Variants in PCNX1 observed in about 807,000 individuals in gnomAD.
PCNX1 encodes pecanex-like protein 1.
PCNX1 carries 78 observed loss-of-function variants against 242.2 expected under a neutral mutation model. The observed-to-expected ratio is 0.32, with a 90% confidence interval of 0.27 to 0.39. The LOEUF (loss-of-function observed/expected upper bound fraction) is 0.39. Ranked by LOEUF, PCNX1 falls within the 10% of genes least tolerant of loss-of-function variation. PCNX1 has a pLI of 1.00. For synonymous variants in PCNX1, 1,024 were observed against 1,032.9 expected (o/e 0.99, Z 0.17); for missense variants, 2,581 against 2,856.5 (o/e 0.90, Z 2.20).
intron 1 of PCNX1, among the ~76,000 whole-genome samples, chr14:70,916,148 A>T (rs2056144671): frequency 6.6e-6 from 1 of 152,180 alleles, no homozygotes; most frequent in South Asian, 2.1e-4. Flanking sequence ...ACTTTTGGTA[A>T]GTGGAAAAGT....
chr14:71,028,823 T>A, intron 16 of PCNX1, 32 bp downstream of exon 16: 11 of 1,298,904 alleles, frequency 8.5e-6, no homozygotes, highest in Non-Finnish European at 1.2e-5. Context: ...GTTTTGTCTT[T>A]AAGGCTATAT....
chr14:71,014,877 T>G (rs746247973), intron 11 of PCNX1, among the ~76,000 whole-genome samples: 40 of 152,056 alleles, frequency 2.6e-4, no homozygotes, highest in Non-Finnish European at 4.1e-4. Context: ...GGAAGCCCAG[T>G]GAACCTCAAG....
intron 5 of PCNX1, among the ~76,000 whole-genome samples, chr14:70,971,571 G>C (rs1230044689): frequency 6.6e-6 from 1 of 152,178 alleles, no homozygotes; most frequent in Non-Finnish European, 1.5e-5. Context: ...AAGACAAAAA[G>C]TTCCACCCTC....
chr14:71,095,621 G>A (rs888250856), intron 30 of PCNX1, among the ~76,000 whole-genome samples: 1 of 152,078 alleles, frequency 6.6e-6, no homozygotes, highest in African/African-American at 2.4e-5. Context: ...TTTCATCTAT[G>A]TGTGTGATAT....
intron 28 of PCNX1, among the ~76,000 whole-genome samples, chr14:71,080,354 G>C (rs377143313): frequency 1.3e-5 from 2 of 152,078 alleles, no homozygotes; most frequent in Non-Finnish European, 2.9e-5. Flanking sequence ...TTGGCTATGC[G>C]GGCTCTTTTT....
At chr14:71,056,296 A>G (rs2061179716) in intron 25 of PCNX1, among the ~76,000 whole-genome samples, 1 of 152,248 alleles carries the variant, frequency 6.6e-6, no homozygotes, top group Non-Finnish European at 1.5e-5. Flanking sequence ...GTTATTTGAT[A>G]CTAATGACCA....
rs3083307 is a variant in PCNX1 at position 71,003,080 on chromosome 14, CTTTTTTTTTT to C, written c.2630-6543_2630-6534del. 7.3e-5 allele frequency among the ~76,000 whole-genome samples: 7 copies of C among 95,476 alleles called. 1 individual carries two copies. Among genetic ancestry groups the C allele is most frequent in the South Asian group, 3.6e-4 (1 of 2,790 alleles). The allele number at this position is 95,476 out of a possible 152,430, so 62.6% of individuals were successfully genotyped here. A position where few individuals can be genotyped will look rare whatever the true frequency, so the allele number is the denominator to read the frequency against. On this transcript the variant is annotated intron_variant, in intron 8 of 35. Transcript: ENST00000304743. ...TAAAAATCGGGTTGTTGGTTGTCTT[CTTTTTTTTTT>C]TTTTTTTTTTGAGACAGAGTCTCAC...
chr14:70,927,553 T>C (rs1594916674), intron 1 of PCNX1, among the ~76,000 whole-genome samples: 1 of 152,044 alleles, frequency 6.6e-6, no homozygotes, highest in African/African-American at 2.4e-5. Context: ...ATATATCTTA[T>C]TGATTTTCAT....
chr14:71,026,719 C>A, intron 14 of PCNX1, 53 bp from the exon 15 acceptor site: 1 of 775,694 alleles, frequency 1.3e-6, no homozygotes, highest in Non-Finnish European at 2.0e-6. Context: ...TCAGTGGACA[C>A]AAGAATGGAT....
chr14:70,994,660 A>G (rs555308430), intron 7 of PCNX1, among the ~76,000 whole-genome samples: 244 of 151,718 alleles, frequency 1.6e-3, no homozygotes, highest in African/African-American at 5.6e-3. Flanking sequence ...TGTTAAAGGT[A>G]AACTTCAATC....
At chr14:71,010,906 A>G (rs1595231342) in intron 9 of PCNX1, among the ~76,000 whole-genome samples, 1 of 152,226 alleles carries the variant, frequency 6.6e-6, no homozygotes, top group East Asian at 1.9e-4. Context: ...CCTTTGGTCT[A>G]GTTTCAGAAT....
Position 71,115,094 on chromosome 14 carries a change from G to A in PCNX1, c.*5159G>A, listed in dbSNP as rs1398684171. ...AGGAGGAATATTGAAAATGATTCTA[G>A]GAAAGTGAACGTAAGAAAGGAAAAT... On this transcript the variant is annotated 3_prime_UTR_variant, in exon 36 of 36. Coordinates refer to ENST00000304743, the MANE Select transcript of PCNX1 (RefSeq NM_014982.3). 3.3e-5 allele frequency: 5 copies of A among 152,568 alleles called. No individual in the cohort carries two copies. Among genetic ancestry groups the A allele is most frequent in the East Asian group, 1.9e-4 (1 of 5,194 alleles). 9.5% of individuals were successfully genotyped at this position (152,568 alleles called of 1,614,324 possible). A position where few individuals can be genotyped will look rare whatever the true frequency, so the allele number is the denominator to read the frequency against.
intron 11 of PCNX1, among the ~76,000 whole-genome samples, chr14:71,016,887 CAG>C (rs1340437017): frequency 1.3e-5 from 2 of 151,834 alleles, no homozygotes; most frequent in Admixed American, 6.6e-5. Context: ...AATGAGGAAA[CAG>C]AGAAATAATA....
intron 28 of PCNX1, among the ~76,000 whole-genome samples, chr14:71,087,621 A>T (rs2062025977): frequency 6.6e-6 from 1 of 152,170 alleles, no homozygotes; most frequent in Admixed American, 6.5e-5. Context: ...TGCATTTCTA[A>T]CAAGTTTCCA....
chr14:70,926,942 A>T (rs774248549), intron 1 of PCNX1, among the ~76,000 whole-genome samples: 3 of 152,314 alleles, frequency 2.0e-5, no homozygotes, highest in South Asian at 4.1e-4. Context: ...GAGACAGTAT[A>T]GTTTAGTGCT....
intron 26 of PCNX1, among the ~76,000 whole-genome samples, chr14:71,068,405 T>C (rs1458859216): frequency 6.7e-6 from 1 of 149,702 alleles, no homozygotes; most frequent in East Asian, 1.9e-4. Context: ...TGTATACGTA[T>C]ATATATGTAT....
chr14:70,985,205 T>C (rs746736774), intron 6 of PCNX1, among the ~76,000 whole-genome samples: 1 of 152,172 alleles, frequency 6.6e-6, no homozygotes, highest in Non-Finnish European at 1.5e-5. Flanking sequence ...TTATTTTATT[T>C]ATTTTGTTTT....
intron 8 of PCNX1, among the ~76,000 whole-genome samples, chr14:70,998,750 CAAAAAAAAAAAA>C (rs34044438): frequency 5.6e-5 from 5 of 89,090 alleles, no homozygotes; most frequent in African/African-American, 2.0e-4. Context: ...GACCCTATCT[CAAAAAAAAAAAA>C]AAAAAAAAAA....
At chr14:71,005,680 A>G (rs899587561) in intron 8 of PCNX1, among the ~76,000 whole-genome samples, 5 of 152,178 alleles carry the variant, frequency 3.3e-5, no homozygotes, top group African/African-American at 7.2e-5. Flanking sequence ...GTGAATGTTT[A>G]TCAGAATTTG....
Sources: allele counts gnomAD v4.1 joint callset (sites outside exome capture counted in the v4.1 genomes callset), GRCh38; gene constraint gnomAD v4.1.1; transcripts MANE v1.5; gene names NCBI Gene and HGNC (gene_info 2026-07-23, HGNC 2026-07-21).